SHISA9: variants seen among roughly 807,000 people sequenced by gnomAD.
The protein encoded by SHISA9 is protein shisa-9.
In SHISA9, 13 loss-of-function variants were observed where a neutral mutation model predicts 38.0. The observed-to-expected ratio is 0.34, with a 90% CI of 0.22 to 0.54. The LOEUF (loss-of-function observed/expected upper bound fraction) is 0.54, where lower values mean the gene tolerates loss of function less well. SHISA9 is among the 20% of genes least tolerant of loss of function. SHISA9 has a pLI of 0.91. For missense variants in SHISA9, 538 were observed against 575.8 expected (o/e 0.93, Z 0.67); for synonymous variants, 275 against 242.0 (o/e 1.14, Z -1.27).
intron 3 of SHISA9, among the ~76,000 whole-genome samples, chr16:13,211,322 AAG>A (rs1491261285): frequency 0.027 from 4,103 of 151,930 alleles, 193 homozygotes; most frequent in African/African-American, 0.094. Context: ...AGAAAAAAAA[AAG>A]AAAGTAAAAA....
intron 2 of SHISA9, among the ~76,000 whole-genome samples, chr16:13,071,535 T>G (rs1280658559): frequency 6.6e-6 from 1 of 151,978 alleles, no homozygotes; most frequent in Non-Finnish European, 1.5e-5. Context: ...CTTTCCTTTC[T>G]TTCCCCTCCC....
intron 2 of SHISA9, among the ~76,000 whole-genome samples, chr16:13,009,872 T>C (rs546339789): frequency 6.6e-5 from 10 of 152,284 alleles, no homozygotes; most frequent in African/African-American, 2.4e-4. Context: ...TGGCCTGTTT[T>C]TCCTTTTTAT....
At chr16:13,076,624 C>CT (rs1223253322) in intron 2 of SHISA9, among the ~76,000 whole-genome samples, 4 of 152,200 alleles carry the variant, frequency 2.6e-5, no homozygotes, top group African/African-American at 9.6e-5. Context: ...TGCAGACCCT[C>CT]TTCTAGCCCT....
At chr16:12,912,050 TG>T (rs1261540474) in intron 1 of SHISA9, among the ~76,000 whole-genome samples, 2 of 152,216 alleles carry the variant, frequency 1.3e-5, no homozygotes, top group Non-Finnish European at 2.9e-5. Flanking sequence ...TCATCTTCCT[TG>T]GTCCAAGGTT....
the SHISA9 span, among the ~76,000 whole-genome samples, chr16:13,557,091 G>T: frequency 2.6e-4 from 39 of 152,264 alleles, 1 homozygote; most frequent in East Asian, 4.8e-3. Flanking sequence ...CTGGCATATA[G>T]TAAGTGTTCA....
chr16:13,522,986 C>T, the SHISA9 span, among the ~76,000 whole-genome samples: 1 of 152,130 alleles, frequency 6.6e-6, no homozygotes, highest in Non-Finnish European at 1.5e-5. Context: ...GAGACCAGTG[C>T]TCCCCAAAGA....
the SHISA9 span, among the ~76,000 whole-genome samples, chr16:13,416,206 G>C: frequency 1.3e-5 from 2 of 152,168 alleles, no homozygotes; most frequent in Non-Finnish European, 2.9e-5. Context: ...TATAGAAAGA[G>C]TTATAAATGA....
At chr16:13,530,316 A>T in the SHISA9 span, among the ~76,000 whole-genome samples, 1 of 152,126 alleles carries the variant, frequency 6.6e-6, no homozygotes, top group Non-Finnish European at 1.5e-5. Flanking sequence ...ATAAATAAAA[A>T]TAAATAAATA....
At chr16:12,942,051 A>G (rs2071618964) in intron 2 of SHISA9, among the ~76,000 whole-genome samples, 1 of 152,068 alleles carries the variant, frequency 6.6e-6, no homozygotes, top group East Asian at 1.9e-4. Flanking sequence ...GGCTGGAGCC[A>G]TTTGGGACCC....
chr16:13,312,977 C>G, the SHISA9 span, among the ~76,000 whole-genome samples: 2 of 151,962 alleles, frequency 1.3e-5, no homozygotes, highest in South Asian at 4.2e-4. Context: ...AAACCCAGGC[C>G]GGGCGCGGTG....
the SHISA9 span, among the ~76,000 whole-genome samples, chr16:13,248,713 C>CA: frequency 4.6e-5 from 7 of 152,160 alleles, no homozygotes; most frequent in Non-Finnish European, 1.0e-4. Flanking sequence ...CATTAGGAAC[C>CA]AGGCTAATGT....
the SHISA9 span, among the ~76,000 whole-genome samples, chr16:13,454,292 G>T: frequency 6.6e-6 from 1 of 152,336 alleles, no homozygotes; most frequent in South Asian, 2.1e-4. Context: ...AAAAAATGGA[G>T]ATGAGGATAT....
At chr16:13,416,009 G>C in the SHISA9 span, among the ~76,000 whole-genome samples, 2 of 152,138 alleles carry the variant, frequency 1.3e-5, no homozygotes, top group Admixed American at 1.3e-4. Context: ...AGGTGCTTTC[G>C]TGGCATTGGT....
At chr16:13,451,908 C>G in the SHISA9 span, among the ~76,000 whole-genome samples, 33 of 152,288 alleles carry the variant, frequency 2.2e-4, no homozygotes, top group African/African-American at 7.2e-4. Flanking sequence ...GCTTCGGATT[C>G]AAATTCATTC....
At chr16:13,447,765 C>CT in the SHISA9 span, among the ~76,000 whole-genome samples, 4 of 152,088 alleles carry the variant, frequency 2.6e-5, no homozygotes, top group African/African-American at 7.2e-5. Flanking sequence ...ACAAAAAACT[C>CT]TTTTTTTTCT....
chr16:13,060,725 A>G (rs1257602399), intron 2 of SHISA9, among the ~76,000 whole-genome samples: 7 of 152,034 alleles, frequency 4.6e-5, no homozygotes, highest in African/African-American at 1.7e-4. Flanking sequence ...GAGAGACAAC[A>G]GAAGAGCCAC....
chr16:12,955,270 A>G (rs1285828466), intron 2 of SHISA9, among the ~76,000 whole-genome samples: 1 of 152,092 alleles, frequency 6.6e-6, no homozygotes, highest in Non-Finnish European at 1.5e-5. Context: ...GGTTCACTTA[A>G]TGGCCATTGC....
At chr16:13,187,503 T>A (rs1356957935) in intron 2 of SHISA9, among the ~76,000 whole-genome samples, 1 of 151,640 alleles carries the variant, frequency 6.6e-6, no homozygotes, top group Non-Finnish European at 1.5e-5. Context: ...CTGGGCTAAT[T>A]TTTGTATTTT....
chr16:13,083,602 A>G (rs375270138), intron 2 of SHISA9, among the ~76,000 whole-genome samples: 5 of 152,302 alleles, frequency 3.3e-5, no homozygotes, highest in East Asian at 3.9e-4. Flanking sequence ...CTAAGCATCA[A>G]TTGCATCTCA....
Sources: gnomAD v4.1 joint callset for allele counts (sites outside exome capture counted in the v4.1 genomes callset) on GRCh38, gnomAD v4.1.1 for gene constraint, MANE v1.5 for transcripts, NCBI Gene and HGNC (gene_info 2026-07-23, HGNC 2026-07-21) for gene names.